Variants in PMEPA1 observed in about 807,000 individuals in gnomAD.
The protein encoded by PMEPA1 is prostate transmembrane protein, androgen induced 1.
PMEPA1 carries 11 observed loss-of-function variants against 23.0 expected under a neutral mutation model. The observed-to-expected ratio is 0.48, with a 90% confidence interval of 0.30 to 0.79. The LOEUF is 0.79. PMEPA1 is among the 30% of genes least tolerant of loss of function. The probability of loss-of-function intolerance (pLI) is 0.06; values close to 1 mark genes in which losing one functional copy is unlikely to be tolerated. For missense variants in PMEPA1, 377 were observed against 390.9 expected (o/e 0.96, Z 0.30); for synonymous variants, 204 against 166.4 (o/e 1.23, Z -1.74).
chr20:57,659,254 C>T (rs904460042), intron 2 of PMEPA1, among the ~76,000 whole-genome samples: 17 of 152,186 alleles, frequency 1.1e-4, no homozygotes, highest in East Asian at 1.9e-4. Context: ...ACAGAGCCTG[C>T]GACCCGAGGC....
chr20:57,677,304 G>A (rs1249232866), intron 1 of PMEPA1, among the ~76,000 whole-genome samples: 1 of 152,194 alleles, frequency 6.6e-6, no homozygotes, highest in Non-Finnish European at 1.5e-5. Context: ...TTTGAGGATC[G>A]TAAAGAACCC....
intron 1 of PMEPA1, among the ~76,000 whole-genome samples, chr20:57,681,849 C>T (rs2071720115): frequency 6.6e-6 from 1 of 152,198 alleles, no homozygotes; most frequent in East Asian, 1.9e-4. Context: ...CTCTCGGCTT[C>T]TCCTCTCTGC....
In PMEPA1 at chr20:57,683,546, C is replaced by CGTGTGTGTGTGTG. The variant is rs775791184; in HGVS notation, c.110-23850_110-23849insCACACACACACAC. ...TACTAACTCGGTGGTGGTGTTCTGG[C>CGTGTGTGTGTGTG]CTGTGTGCGTGTGTGTGTGTGTGTG... On this transcript the variant is annotated intron_variant, in intron 1 of 3. Coordinates refer to ENST00000341744, the MANE Select transcript of PMEPA1 (RefSeq NM_020182.5). This position sits in a 1 kb window ranked among gnomAD's most constrained non-coding sequence, Gnocchi z 4.3. Among the ~76,000 whole-genome samples the CGTGTGTGTGTGTG allele has an allele frequency of 1.6e-5, 1 of 63,434 alleles. No individual in the cohort carries two copies. The highest frequency in any genetic ancestry group is 1.3e-4 in the African/African-American group (1 of 7,810). The allele number at this position is 63,434 out of a possible 152,430, so 41.6% of individuals were successfully genotyped here.
At position 57,695,555 on chromosome 20, in the gene PMEPA1, G is replaced by A. The variant is rs186050419; in HGVS notation, c.109+13919C>T. Among the ~76,000 whole-genome samples the A allele has an allele frequency of 1.4e-3, 211 of 152,354 alleles. 1 individual carries two copies. Among genetic ancestry groups the A allele is most frequent in the Non-Finnish European group, 2.4e-3 (166 of 68,030 alleles). The stretch of plus-strand genomic sequence containing the variant: ...CGGCTCACGCCTGTAATCTTTGGGA[G>A]GCTGAAGCAGGAAGATCAATTGAGA... On this transcript the variant is annotated intron_variant, in intron 1 of 3. Transcript: ENST00000341744.
intron 1 of PMEPA1, among the ~76,000 whole-genome samples, chr20:57,672,568 C>G (rs559935920): frequency 6.6e-6 from 1 of 152,224 alleles, no homozygotes; most frequent in African/African-American, 2.4e-5. Context: ...CGACGGGCAC[C>G]GTCTGGAGGG....
chr20:57,704,699 T>C lies in PMEPA1; in HGVS notation c.109+4775A>G, dbSNP rs1356217036. Among the ~76,000 whole-genome samples, 2 of 152,246 alleles carry C rather than the reference T, an allele frequency of 1.3e-5. No individual in the cohort carries two copies. The highest frequency in any genetic ancestry group is 2.9e-5 in the Non-Finnish European group (2 of 68,038). On this transcript the variant is annotated intron_variant, in intron 1 of 3. Coordinates refer to ENST00000341744, the MANE Select transcript of PMEPA1 (RefSeq NM_020182.5). This position sits in a 1 kb window ranked among gnomAD's most constrained non-coding sequence, Gnocchi z 4.6. ...CCAGCACCTTCCTCCAAACATTTTCTGGCTTTTAAACTATTGACCGGACTA... is the reference window on the plus strand; with the variant it reads ...CCAGCACCTTCCTCCAAACATTTTCCGGCTTTTAAACTATTGACCGGACTA...
At chr20:57,675,373 T>C (rs1237148792) in intron 1 of PMEPA1, among the ~76,000 whole-genome samples, 2 of 152,158 alleles carry the variant, frequency 1.3e-5, no homozygotes, top group Non-Finnish European at 2.9e-5. Context: ...CTCCGACCTC[T>C]TGGAAGCAGC....
chr20:57,653,021 G>A lies in PMEPA1; in HGVS notation c.318+12C>T. On this transcript the variant is annotated intron_variant, in intron 3 of 3. Transcript: ENST00000341744. The stretch of plus-strand genomic sequence containing the variant: ...ATGGGGGTGTTGGAGGGGAGGCCGA[G>A]GGAGGTCTCACCTCTGGGATTCCGT... 1.3e-6 allele frequency: 2 copies of A among 1,591,034 alleles called. No individual in the cohort carries two copies. The highest frequency in any genetic ancestry group is 2.7e-5 in the African/African-American group (2 of 74,702).
Position 57,677,340 on chromosome 20 carries a change from A to G in PMEPA1, c.110-17643T>C, listed in dbSNP as rs371145411. On this transcript the variant is annotated intron_variant, in intron 1 of 3. Transcript: ENST00000341744. ...AGAAAGCACCTGGTGTGTAGGAAGC[A>G]CTGAGTACGTGTTGGCTGCTATGAG... is the stretch of plus-strand genomic sequence containing the variant. 2.8e-4 allele frequency among the ~76,000 whole-genome samples: 42 copies of G among 152,328 alleles called. No homozygotes were observed. The East Asian group carries it at 7.3e-3, about 27-fold the overall frequency.
At position 57,649,667 on chromosome 20, in the gene PMEPA1, C is replaced by G. The variant is rs377379857; in HGVS notation, c.*2386G>C. On this transcript the variant is annotated 3_prime_UTR_variant, in exon 4 of 4. Transcript: ENST00000341744. ...CTAGGTTTTCAGCCTAGATGGGAGT[C>G]GTGTACAAACCTTGGCAAAAAAAGG... The G allele has an allele frequency of 6.6e-6, 1 of 152,214 alleles. No homozygotes were observed. Among genetic ancestry groups the G allele is most frequent in the Admixed American group, 6.5e-5 (1 of 15,280 alleles). The allele number at this position is 152,214 out of a possible 1,614,324, so 9.4% of individuals were successfully genotyped here. A position where few individuals can be genotyped will look rare whatever the true frequency, so the allele number is the denominator to read the frequency against.
At chr20:57,666,373 A>AT (rs986503634) in intron 1 of PMEPA1, among the ~76,000 whole-genome samples, 1 of 152,014 alleles carries the variant, frequency 6.6e-6, no homozygotes, top group Admixed American at 6.5e-5. Context: ...ACATCATCTG[A>AT]TTGAATTCTC....
At chr20:57,657,583 C>G (rs770087633) in intron 2 of PMEPA1, among the ~76,000 whole-genome samples, 3 of 152,244 alleles carry the variant, frequency 2.0e-5, no homozygotes, top group African/African-American at 7.2e-5. Flanking sequence ...CTCCGGACAG[C>G]GTGCTGGGAC....
chr20:57,657,894 CAG>C (rs2071350325), intron 2 of PMEPA1, among the ~76,000 whole-genome samples: 1 of 152,202 alleles, frequency 6.6e-6, no homozygotes, highest in Non-Finnish European at 1.5e-5. Context: ...AGCCCCGGCT[CAG>C]AGACGTGCCG....
At position 57,682,292 on chromosome 20, in the gene PMEPA1, CTCAG is replaced by C. The variant is rs1338628593; in HGVS notation, c.110-22599_110-22596del. ...AGGCTTGAGCTGAGTGTGAATGGTG[CTCAG>C]AGCGGGGGACCAGCTCCACCAGCGG... On this transcript the variant is annotated intron_variant, in intron 1 of 3. Transcript: ENST00000341744. This position sits in a 1 kb window ranked among gnomAD's most constrained non-coding sequence, Gnocchi z 4.4. 6.6e-6 allele frequency among the ~76,000 whole-genome samples: 1 copy of C among 152,220 alleles called. No homozygotes were observed. Among genetic ancestry groups the C allele is most frequent in the Non-Finnish European group, 1.5e-5 (1 of 68,026 alleles).
rs142169146 is a variant in PMEPA1 at position 57,680,973 on chromosome 20, ACGGGT to A, written c.110-21281_110-21277del. Among the ~76,000 whole-genome samples, 593 of 152,060 alleles carry A rather than the reference ACGGGT, an allele frequency of 3.9e-3. 7 individuals are homozygous for A. Among genetic ancestry groups the A allele is most frequent in the African/African-American group, 0.014 (562 of 41,488 alleles). ...GAGGCAGGAGAATGAAAATCATCCC[ACGGGT>A]CGGGGCCGGGTCAGTGAGGAAGGGA... On this transcript the variant is annotated intron_variant, in intron 1 of 3. Coordinates refer to ENST00000341744, the MANE Select transcript of PMEPA1 (RefSeq NM_020182.5).
intron 1 of PMEPA1, among the ~76,000 whole-genome samples, chr20:57,677,384 G>T (rs2071652051): frequency 6.6e-6 from 1 of 152,164 alleles, no homozygotes; most frequent in African/African-American, 2.4e-5. Flanking sequence ...TTCTTTCTAA[G>T]TGCTTGCTTG....
At chr20:57,710,120 C>CG (rs1011948272), upstream of PMEPA1, 6 of 814,248 alleles carry the variant, frequency 7.4e-6, no homozygotes, top group Admixed American at 1.1e-4. Context: ...CTCCCCGAGC[C>CG]GGGGGGCGGG....
chr20:57,694,729 T>C (rs1322870223), intron 1 of PMEPA1, among the ~76,000 whole-genome samples: 1 of 152,228 alleles, frequency 6.6e-6, no homozygotes, highest in African/African-American at 2.4e-5. Flanking sequence ...GTCTAGTAGC[T>C]CTTGCAGGGC....
chr20:57,710,620 T>C, upstream of PMEPA1: 1 of 699,432 alleles, frequency 1.4e-6, no homozygotes, highest in Non-Finnish European at 2.3e-6. Flanking sequence ...GTCATGTAAA[T>C]AGCTGTCGGG....
Sources: allele counts gnomAD v4.1 joint callset (sites outside exome capture counted in the v4.1 genomes callset), GRCh38; gene constraint gnomAD v4.1.1; non-coding constraint Gnocchi (gnomAD v3.1); transcripts MANE v1.5; gene names NCBI Gene and HGNC (gene_info 2026-07-23, HGNC 2026-07-21).